The following RB1CC1 variants were observed in gnomAD, a reference collection of about 807,000 sequenced individuals.
RB1CC1 encodes RB1 inducible coiled-coil 1.
In RB1CC1, 46 loss-of-function variants were observed where a neutral mutation model predicts 177.5. The ratio of observed to expected loss-of-function variants is 0.26; its 90% confidence interval spans 0.20 to 0.33. The LOEUF (loss-of-function observed/expected upper bound fraction) is 0.33. Among genes scored for constraint, RB1CC1 ranks in the 10% least tolerant of loss-of-function variants. The pLI is 1.00. For missense variants in RB1CC1, 1,703 were observed against 1,816.3 expected (o/e 0.94, Z 1.13); for synonymous variants, 666 against 613.6 (o/e 1.09, Z -1.26).
intron 19 of RB1CC1, among the ~76,000 whole-genome samples, chr8:52,635,249 T>G (rs1186887178): frequency 6.6e-6 from 1 of 152,194 alleles, no homozygotes; most frequent in Admixed American, 6.5e-5. Context: ...ATCTGAGATC[T>G]ATCCCCAGAG....
chr8:52,641,833 T>C (rs1374528436), intron 18 of RB1CC1, among the ~76,000 whole-genome samples: 3 of 152,116 alleles, frequency 2.0e-5, no homozygotes, highest in Non-Finnish European at 2.9e-5. Flanking sequence ...ATAGATATAA[T>C]TGTAAGCACA....
intron 1 of RB1CC1, among the ~76,000 whole-genome samples, chr8:52,711,534 T>C (rs927552838): frequency 6.6e-6 from 1 of 152,228 alleles, no homozygotes. Context: ...TTCCTATAAA[T>C]AAATATATAT....
chr8:52,651,142 A>C (rs1850536998), intron 15 of RB1CC1, among the ~76,000 whole-genome samples: 1 of 152,252 alleles, frequency 6.6e-6, no homozygotes, highest in Admixed American at 6.5e-5. Context: ...AGGAGGGACA[A>C]TGTGGAGTGA....
intron 1 of RB1CC1, among the ~76,000 whole-genome samples, chr8:52,694,305 T>C (rs975565824): frequency 1.3e-5 from 2 of 152,098 alleles, no homozygotes; most frequent in Non-Finnish European, 2.9e-5. Flanking sequence ...AGGAGGGTGA[T>C]TCAGGATCTG....
chr8:52,707,910 C>T, intron 1 of RB1CC1, among the ~76,000 whole-genome samples: 1 of 152,150 alleles, frequency 6.6e-6, no homozygotes, highest in East Asian at 1.9e-4. Flanking sequence ...CTCACTGAGG[C>T]TCAGGTAACC....
At chr8:52,639,226 T>C (rs1849386723) in intron 18 of RB1CC1, among the ~76,000 whole-genome samples, 1 of 152,166 alleles carries the variant, frequency 6.6e-6, no homozygotes, top group Admixed American at 6.5e-5. Flanking sequence ...TCAGGCCTCT[T>C]CATAAAATTA....
chr8:52,645,686 G>T lies in RB1CC1; in HGVS notation c.3987+16C>A. On this transcript the variant is annotated intron_variant, in intron 16 of 23. Coordinates refer to ENST00000025008, the MANE Select transcript of RB1CC1 (RefSeq NM_014781.5). ...CTTCTTTAGTTCTCAAATGAAATGG[G>T]AAAAGAGATACAGACCTGTTGTTCC... The T allele has an allele frequency of 1.2e-6, 2 of 1,601,776 alleles. No individual in the cohort carries two copies. Among genetic ancestry groups the T allele is most frequent in the Non-Finnish European group, 1.7e-6 (2 of 1,175,752 alleles).
intron 18 of RB1CC1, among the ~76,000 whole-genome samples, chr8:52,641,177 A>G (rs997712810): frequency 2.9e-4 from 44 of 151,984 alleles, no homozygotes; most frequent in Non-Finnish European, 5.9e-4. Flanking sequence ...TGAGGTCAGG[A>G]GTTCGAGACC....
chr8:52,683,581 G>C lies in RB1CC1; in HGVS notation c.337C>G (p.His113Asp), dbSNP rs963227983. The C allele has an allele frequency of 1.3e-6, 2 of 1,599,090 alleles. No individual in the cohort carries two copies. The highest frequency in any genetic ancestry group is 1.7e-6 in the Non-Finnish European group (2 of 1,175,122). Residue 113 changes from histidine (H) to aspartate (D), a missense_variant, in exon 5 of 24, where the codon CAT becomes GAT. Around this residue, in one of 6 missense-constraint regions of RB1CC1, gnomAD observed 11 missense variants for 29.1 expected, o/e 0.38. Transcript: ENST00000025008. ...AGCTGTGTCCTTGAAGCAACAGTAT[G>C]AAAAACTGCAGGCATCATAAGAGAT... ...EESLMMPAVFHTVASRTQLAL... is the reference protein window; with the variant it reads ...EESLMMPAVFDTVASRTQLAL...
chr8:52,691,599 C>G (rs1264270220), intron 1 of RB1CC1, among the ~76,000 whole-genome samples: 1 of 152,220 alleles, frequency 6.6e-6, no homozygotes, highest in Non-Finnish European at 1.5e-5. Context: ...ATACAAATTT[C>G]TAACAGCTCC....
intron 18 of RB1CC1, among the ~76,000 whole-genome samples, chr8:52,636,351 C>T (rs1033742236): frequency 1.3e-5 from 2 of 152,076 alleles, no homozygotes; most frequent in South Asian, 4.1e-4. Context: ...AAGAACCACT[C>T]TTCTTAATAT....
At chr8:52,635,425 C>G (rs1000206892) in intron 19 of RB1CC1, among the ~76,000 whole-genome samples, 3 of 151,918 alleles carry the variant, frequency 2.0e-5, no homozygotes, top group African/African-American at 7.3e-5. Flanking sequence ...GACAATTACA[C>G]TTGTAAAGAA....
Position 52,714,061 on chromosome 8 carries a change from G to A in RB1CC1, c.-167+14C>T. On this transcript the variant is annotated intron_variant, in intron 1 of 23. Transcript: ENST00000025008. ...CAGATGGGGGAAGGGGACGCGGGCG[G>A]CGGCGACACTTACCCGGCAACGCCT... 1 of 349,996 alleles carries A rather than the reference G, an allele frequency of 2.9e-6. No individual in the cohort carries two copies. Among genetic ancestry groups the A allele is most frequent in the South Asian group, 2.0e-5 (1 of 50,738 alleles). The allele number at this position is 349,996 out of a possible 1,614,324, so 21.7% of individuals were successfully genotyped here.
chr8:52,701,812 T>C (rs932572800), intron 1 of RB1CC1, among the ~76,000 whole-genome samples: 2 of 151,888 alleles, frequency 1.3e-5, no homozygotes, highest in African/African-American at 4.8e-5. Context: ...AAAATCACTT[T>C]TTTTTTTCTT....
At chr8:52,668,690 A>G (rs1170673020) in intron 7 of RB1CC1, among the ~76,000 whole-genome samples, 1 of 151,956 alleles carries the variant, frequency 6.6e-6, no homozygotes, top group African/African-American at 2.4e-5. Flanking sequence ...AATTCTACAC[A>G]TTTGCTGAAA....
intron 1 of RB1CC1, among the ~76,000 whole-genome samples, chr8:52,710,632 C>T (rs746106187): frequency 6.6e-6 from 1 of 151,974 alleles, no homozygotes. Context: ...ATAAAAACTA[C>T]ATAAAATGCA....
At chr8:52,664,710 C>T (rs1280524687) in intron 8 of RB1CC1, among the ~76,000 whole-genome samples, 1 of 152,084 alleles carries the variant, frequency 6.6e-6, no homozygotes, top group Non-Finnish European at 1.5e-5. Flanking sequence ...AGAAAGCAAA[C>T]AAGAAAAGCT....
chr8:52,701,103 T>C (rs1012067248), intron 1 of RB1CC1, among the ~76,000 whole-genome samples: 1 of 152,100 alleles, frequency 6.6e-6, no homozygotes, highest in Non-Finnish European at 1.5e-5. Context: ...CTTATGTATA[T>C]AACAATGTGT....
At chr8:52,643,172 C>T (rs1167661534) in intron 16 of RB1CC1, 1 of 163,958 alleles carries the variant, frequency 6.1e-6, no homozygotes, top group African/African-American at 2.4e-5. Context: ...TTGTCTTTAG[C>T]ATTTGATCAC....
Sources: gnomAD v4.1 joint callset for allele counts (sites outside exome capture counted in the v4.1 genomes callset) on GRCh38, gnomAD v4.1.1 for gene constraint, gnomAD v4.1.1 regional missense constraint, MANE v1.5 for transcripts, NCBI Gene and HGNC (gene_info 2026-07-23, HGNC 2026-07-21) for gene names.